Variants in RBPJ observed in about 807,000 individuals in gnomAD.
The protein encoded by RBPJ is recombining binding protein suppressor of hairless.
In RBPJ, 9 loss-of-function variants were observed where a neutral mutation model predicts 67.8. The observed-to-expected ratio is 0.13, with a 90% CI of 0.08 to 0.23. The LOEUF (loss-of-function observed/expected upper bound fraction) is 0.23. Among genes scored for constraint, RBPJ ranks in the 10% least tolerant of loss-of-function variants. The pLI is 1.00. For synonymous variants in RBPJ, 198 were observed against 203.3 expected (o/e 0.97, Z 0.22); for missense variants, 305 against 595.6 (o/e 0.51, Z 5.08).
At chr4:26,318,909 A>G (rs1722760424), upstream of RBPJ, among the ~76,000 whole-genome samples, 1 of 149,210 alleles carries the variant, frequency 6.7e-6, no homozygotes, top group South Asian at 2.3e-4. Flanking sequence ...CGGCAGGAGA[A>G]TGGCGTGAAT....
At chr4:26,120,915 C>T in the RBPJ span, among the ~76,000 whole-genome samples, 2 of 122,750 alleles carry the variant, frequency 1.6e-5, no homozygotes, top group African/African-American at 5.8e-5. Context: ...AATGGACATA[C>T]ATTTTTCAAA....
intron 1 of RBPJ, among the ~76,000 whole-genome samples, chr4:26,194,749 G>C (rs2109145562): frequency 6.6e-6 from 1 of 152,346 alleles, no homozygotes; most frequent in South Asian, 2.1e-4. Flanking sequence ...AGAGGAAGAA[G>C]CTCAACTTTC....
the RBPJ span, among the ~76,000 whole-genome samples, chr4:26,143,555 G>A: frequency 6.6e-6 from 1 of 152,324 alleles, no homozygotes; most frequent in South Asian, 2.1e-4. Flanking sequence ...ACAGAATCAT[G>A]AGTGACTAAA....
the RBPJ span, among the ~76,000 whole-genome samples, chr4:26,107,264 GC>G: frequency 2.0e-5 from 3 of 152,186 alleles, no homozygotes; most frequent in Admixed American, 1.3e-4. Flanking sequence ...CATCCCACAT[GC>G]CCTAACAAAT....
chr4:26,148,403 C>G, the RBPJ span, among the ~76,000 whole-genome samples: 2 of 152,034 alleles, frequency 1.3e-5, no homozygotes. Context: ...GAAGGTACTT[C>G]AAACAAAGGA....
chr4:26,381,328 C>T (rs1730310204), intron 1 of RBPJ, among the ~76,000 whole-genome samples: 1 of 151,908 alleles, frequency 6.6e-6, no homozygotes. Flanking sequence ...AATGTGTATG[C>T]AGGTTTTTTA....
At chr4:26,293,257 G>A (rs1721733134) in intron 1 of RBPJ, among the ~76,000 whole-genome samples, 1 of 150,144 alleles carries the variant, frequency 6.7e-6, no homozygotes, top group Non-Finnish European at 1.5e-5. Context: ...CCCTTTACTA[G>A]GTGTTACCAC....
the RBPJ span, among the ~76,000 whole-genome samples, chr4:26,152,672 C>A: frequency 6.6e-6 from 1 of 152,194 alleles, no homozygotes; most frequent in Non-Finnish European, 1.5e-5. Context: ...GGAGCAGATC[C>A]AGGACTTGAA....
chr4:26,190,839 A>G (rs551024422), intron 1 of RBPJ, among the ~76,000 whole-genome samples: 3 of 152,196 alleles, frequency 2.0e-5, no homozygotes, highest in African/African-American at 7.2e-5. Context: ...GAGAAGTAAC[A>G]TACATACATT....
intron 1 of RBPJ, among the ~76,000 whole-genome samples, chr4:26,375,332 G>A (rs919507246): frequency 6.6e-5 from 10 of 150,856 alleles, no homozygotes; most frequent in Admixed American, 6.6e-4. Context: ...TATGATGTGA[G>A]ATACGCATGC....
intron 4 of RBPJ, among the ~76,000 whole-genome samples, chr4:26,417,264 A>T (rs1348722748): frequency 6.6e-6 from 1 of 152,228 alleles, no homozygotes; most frequent in Non-Finnish European, 1.5e-5. Context: ...AAATGAGGTG[A>T]TACCAAATAA....
chr4:26,107,690 A>G, the RBPJ span, among the ~76,000 whole-genome samples: 1 of 152,118 alleles, frequency 6.6e-6, no homozygotes, highest in African/African-American at 2.4e-5. Flanking sequence ...TTGAGGTCAG[A>G]AGTTCGAGAC....
chr4:26,386,583 T>C (rs1204086347), intron 2 of RBPJ, among the ~76,000 whole-genome samples, 192 bp downstream of exon 2: 2 of 152,154 alleles, frequency 1.3e-5, no homozygotes, highest in South Asian at 2.1e-4. Context: ...CAAAAGGATA[T>C]AGTTGAAAAG....
At chr4:26,150,591 G>C in the RBPJ span, among the ~76,000 whole-genome samples, 1 of 152,166 alleles carries the variant, frequency 6.6e-6, no homozygotes, top group Admixed American at 6.5e-5. Flanking sequence ...CTGTGACTCA[G>C]TTTTCCCATC....
At chr4:26,320,857 G>C (rs1220214950), upstream of RBPJ, 2 of 1,570,284 alleles carry the variant, frequency 1.3e-6, no homozygotes, top group Admixed American at 1.9e-5. Context: ...CCCCTACTCT[G>C]CGGGCGGCGC....
intron 1 of RBPJ, among the ~76,000 whole-genome samples, chr4:26,349,436 A>G (rs1274432347): frequency 6.6e-6 from 1 of 152,114 alleles, no homozygotes; most frequent in Non-Finnish European, 1.5e-5. Flanking sequence ...TATCTTTTTT[A>G]TTTGAATATC....
intron 1 of RBPJ, among the ~76,000 whole-genome samples, chr4:26,203,990 G>T (rs1718077799): frequency 6.6e-6 from 1 of 152,168 alleles, no homozygotes; most frequent in African/African-American, 2.4e-5. Flanking sequence ...CTCCCACGGG[G>T]CTGGAGTGTA....
At chr4:26,221,422 T>C (rs1718906835) in intron 1 of RBPJ, among the ~76,000 whole-genome samples, 2 of 152,132 alleles carry the variant, frequency 1.3e-5, no homozygotes, top group Non-Finnish European at 2.9e-5. Flanking sequence ...GAATTCTAGT[T>C]TGCTGGGTCC....
intron 1 of RBPJ, among the ~76,000 whole-genome samples, chr4:26,351,439 C>T (rs1254823996): frequency 6.6e-6 from 1 of 152,060 alleles, no homozygotes; most frequent in Non-Finnish European, 1.5e-5. Context: ...CTTGCCCTGT[C>T]GCCCAGGCTC....
Sources: gnomAD v4.1 joint callset for allele counts (sites outside exome capture counted in the v4.1 genomes callset) on GRCh38, gnomAD v4.1.1 for gene constraint, MANE v1.5 for transcripts, NCBI Gene and HGNC (gene_info 2026-07-23, HGNC 2026-07-21) for gene names.